The following NRF1 variants were observed in gnomAD, a reference collection of about 807,000 sequenced individuals.
NRF1 encodes the protein nuclear respiratory factor 1, also known as alpha palindromic-binding protein.
Under a neutral mutation model 58.5 loss-of-function variants are expected in NRF1, and 5 were observed. The observed-to-expected ratio is 0.09, with a 90% CI of 0.04 to 0.18. The LOEUF (loss-of-function observed/expected upper bound fraction) is 0.18, where lower values mean the gene tolerates loss of function less well. Among genes scored for constraint, NRF1 ranks in the 10% least tolerant of loss-of-function variants. The pLI, the probability that NRF1 is intolerant of heterozygous loss-of-function variation, is 1.00. For synonymous variants in NRF1, 224 were observed against 246.7 expected (o/e 0.91, Z 0.86); for missense variants, 288 against 657.7 (o/e 0.44, Z 6.15).
At chr7:129,724,057 G>A (rs567941926) in intron 9 of NRF1, among the ~76,000 whole-genome samples, 2 of 152,254 alleles carry the variant, frequency 1.3e-5, no homozygotes, top group South Asian at 2.1e-4. Flanking sequence ...TGGACTTTAC[G>A]AAAATTCTTA....
At chr7:129,737,179 T>C (rs1030428766) in intron 10 of NRF1, among the ~76,000 whole-genome samples, 1 of 152,268 alleles carries the variant, frequency 6.6e-6, no homozygotes, top group African/African-American at 2.4e-5. Context: ...TGCTTGCCTT[T>C]CGCAGATGAA....
chr7:129,701,966 A>G (rs1802835340), intron 5 of NRF1, among the ~76,000 whole-genome samples: 1 of 152,222 alleles, frequency 6.6e-6, no homozygotes, highest in Non-Finnish European at 1.5e-5. Flanking sequence ...AACAAGTTAT[A>G]AAATAGTGTA....
At chr7:129,692,079 T>C (rs1584645418) in intron 5 of NRF1, among the ~76,000 whole-genome samples, 2 of 152,078 alleles carry the variant, frequency 1.3e-5, no homozygotes, top group Non-Finnish European at 2.9e-5. Flanking sequence ...TTTTGCCCTC[T>C]CCCTCCACAT....
chr7:129,654,937 G>T (rs1487506304), intron 1 of NRF1, among the ~76,000 whole-genome samples: 1 of 152,030 alleles, frequency 6.6e-6, no homozygotes, highest in African/African-American at 2.4e-5. Context: ...GGCTGTTCTG[G>T]GTCTTTTGCC....
intron 1 of NRF1, among the ~76,000 whole-genome samples, chr7:129,625,355 A>G (rs961132545): frequency 2.0e-5 from 3 of 152,148 alleles, no homozygotes; most frequent in African/African-American, 7.2e-5. Context: ...GCATGTGAAC[A>G]TATCTTTTTG....
At chr7:129,729,201 C>T (rs538277345) in intron 10 of NRF1, among the ~76,000 whole-genome samples, 205 of 146,844 alleles carry the variant, frequency 1.4e-3, no homozygotes, top group Non-Finnish European at 2.6e-3. Context: ...CTGGCTCCTC[C>T]CCAGCATCAC....
chr7:129,700,314 C>G (rs1802791260), intron 5 of NRF1, among the ~76,000 whole-genome samples: 1 of 152,126 alleles, frequency 6.6e-6, no homozygotes, highest in Non-Finnish European at 1.5e-5. Flanking sequence ...TTTGGTGGTT[C>G]TCAAAATTGG....
intron 1 of NRF1, among the ~76,000 whole-genome samples, chr7:129,631,080 C>T (rs935578857): frequency 1.3e-5 from 2 of 151,922 alleles, no homozygotes; most frequent in Non-Finnish European, 2.9e-5. Flanking sequence ...AATACTTGAG[C>T]CAAAGTTTCT....
At chr7:129,672,528 T>A (rs1464603431) in intron 3 of NRF1, among the ~76,000 whole-genome samples, 1 of 152,134 alleles carries the variant, frequency 6.6e-6, no homozygotes, top group African/African-American at 2.4e-5. Flanking sequence ...AGGTGGTGAT[T>A]ATAGTAATCT....
chr7:129,642,757 ATTTTTTT>A (rs1186472112), intron 1 of NRF1, among the ~76,000 whole-genome samples: 1 of 109,748 alleles, frequency 9.1e-6, no homozygotes. Flanking sequence ...TCTTTAAAAA[ATTTTTTT>A]TTTTTTTTTT....
At chr7:129,735,053 G>C (rs1374697866) in intron 10 of NRF1, 6 of 985,248 alleles carry the variant, frequency 6.1e-6, no homozygotes, top group Admixed American at 6.1e-5. Flanking sequence ...CTCCTCACCG[G>C]GTCTTCCACT....
At chr7:129,625,022 C>T (rs1800882767) in intron 1 of NRF1, among the ~76,000 whole-genome samples, 1 of 152,112 alleles carries the variant, frequency 6.6e-6, no homozygotes, top group African/African-American at 2.4e-5. Flanking sequence ...AATGTATTCT[C>T]TCACAGTTCT....
At chr7:129,688,898 G>A (rs12540217) in intron 4 of NRF1, among the ~76,000 whole-genome samples, 65,755 of 151,314 alleles carry the variant, frequency 0.43, 16,587 homozygotes, top group Non-Finnish European at 0.57. Flanking sequence ...GGGACATAGA[G>A]CCAAACCATA....
intron 10 of NRF1, among the ~76,000 whole-genome samples, chr7:129,749,898 A>AGTTAACTCCAAGGTTGT (rs1320493709): frequency 1.3e-5 from 2 of 151,962 alleles, no homozygotes; most frequent in African/African-American, 4.8e-5. Context: ...TACTAAACTG[A>AGTTAACTCCAAGGTTGT]GTTAACTCCA....
chr7:129,612,181 G>T (rs1435972787), intron 1 of NRF1, among the ~76,000 whole-genome samples: 1 of 150,974 alleles, frequency 6.6e-6, no homozygotes, highest in Non-Finnish European at 1.5e-5. Flanking sequence ...CCCGCAGCTC[G>T]GGAGCGGGAG....
chr7:129,669,501 G>A (rs1397740052), intron 2 of NRF1, among the ~76,000 whole-genome samples: 1 of 152,110 alleles, frequency 6.6e-6, no homozygotes, highest in Non-Finnish European at 1.5e-5. Context: ...ATAATAAGAT[G>A]TTAAAATTCA....
chr7:129,679,856 A>G (rs991259910), intron 4 of NRF1, among the ~76,000 whole-genome samples: 2 of 150,350 alleles, frequency 1.3e-5, no homozygotes, highest in African/African-American at 4.9e-5. Context: ...TCAGGAGTTC[A>G]AGACCAGCCT....
At chr7:129,674,033 C>G (rs1341412670) in intron 3 of NRF1, among the ~76,000 whole-genome samples, 1 of 151,624 alleles carries the variant, frequency 6.6e-6, no homozygotes, top group African/African-American at 2.4e-5. Context: ...CCCAGCTAGT[C>G]GGGAGGCTGA....
chr7:129,624,775 A>AC (rs1361252905), intron 1 of NRF1, among the ~76,000 whole-genome samples: 1 of 152,094 alleles, frequency 6.6e-6, no homozygotes, highest in East Asian at 1.9e-4. Context: ...TCAGTCTCCC[A>AC]AGTGGTATCC....
Sources: gnomAD v4.1 joint callset for allele counts (sites outside exome capture counted in the v4.1 genomes callset) on GRCh38, gnomAD v4.1.1 for gene constraint, MANE v1.5 for transcripts, NCBI Gene and HGNC (gene_info 2026-07-23, HGNC 2026-07-21) for gene names.